WT1: variants seen among roughly 807,000 people sequenced by gnomAD.
WT1 encodes Wilms tumor protein.
In WT1, 8 loss-of-function variants were observed where a neutral mutation model predicts 60.8. That is an observed-to-expected ratio of 0.13 (90% CI 0.08 to 0.24). The LOEUF is 0.24. Among genes scored for constraint, WT1 ranks in the 10% least tolerant of loss-of-function variants. The probability of loss-of-function intolerance (pLI) is 1.00; values close to 1 mark genes in which losing one functional copy is unlikely to be tolerated. For missense variants in WT1, 568 were observed against 711.8 expected (o/e 0.80, Z 2.30); for synonymous variants, 312 against 297.1 (o/e 1.05, Z -0.52).
At chr11:32,404,017 T>C (rs564114291) in intron 5 of WT1, among the ~76,000 whole-genome samples, 3 of 152,052 alleles carry the variant, frequency 2.0e-5, no homozygotes, top group Admixed American at 2.0e-4. Flanking sequence ...CTCACGCCTG[T>C]AATCCCAGCA....
chr11:32,431,264 C>G (rs972472322), intron 1 of WT1, among the ~76,000 whole-genome samples: 2 of 152,092 alleles, frequency 1.3e-5, no homozygotes, highest in Admixed American at 6.5e-5. Context: ...AAAACCTGTC[C>G]CCCAACAAAA....
chr11:32,407,870 GAAAGAAAAAGGAAA>G (rs1852364522), intron 5 of WT1, among the ~76,000 whole-genome samples: 2 of 151,746 alleles, frequency 1.3e-5, no homozygotes, highest in South Asian at 4.2e-4. Context: ...AAAAAAGAAA[GAAAGAAAAAGGAAA>G]AAAGAAAATA....
At chr11:32,432,742 C>A (rs2133094527) in intron 1 of WT1, among the ~76,000 whole-genome samples, 1 of 152,260 alleles carries the variant, frequency 6.6e-6, no homozygotes, top group East Asian at 1.9e-4. Context: ...ACCCACAGTC[C>A]CACCCCCCAC....
rs1554940527 is a variant in WT1 at position 32,400,004 on chromosome 11, T to C, written c.1057A>G (p.Ile353Val). The C allele has an allele frequency of 1.2e-6, 2 of 1,614,176 alleles. No homozygotes were observed. The highest frequency in any genetic ancestry group is 2.2e-5 in the South Asian group (2 of 91,076). ...ATTCTGTATTGGGCTCCGCAGAGGA[T>C]GGGCGTTGTGTGGTTATCGCTCTCG... The change falls in exon 6 of 10, where the codon ATC becomes GTC. Residue 353 changes from isoleucine (I) to valine (V), a missense_variant. Transcript: ENST00000452863.
chr11:32,407,252 C>CA (rs200824500), intron 5 of WT1, among the ~76,000 whole-genome samples: 3 of 150,790 alleles, frequency 2.0e-5, no homozygotes, highest in Non-Finnish European at 3.0e-5. Flanking sequence ...AACAAAAAAA[C>CA]AAAAAAACAA....
At chr11:32,426,909 C>A (rs1165714666) in intron 3 of WT1, among the ~76,000 whole-genome samples, 1 of 152,110 alleles carries the variant, frequency 6.6e-6, no homozygotes, top group Non-Finnish European at 1.5e-5. Flanking sequence ...ACTGGACAGT[C>A]CCCCAGGCGC....
chr11:32,428,847 C>T, intron 1 of WT1: 1 of 632,464 alleles, frequency 1.6e-6, no homozygotes, highest in Non-Finnish European at 2.7e-6. Context: ...GACTAAAACC[C>T]CCACCTCGCT....
At chr11:32,422,208 G>C (rs1852878115) in intron 3 of WT1, among the ~76,000 whole-genome samples, 1 of 152,180 alleles carries the variant, frequency 6.6e-6, no homozygotes, top group Admixed American at 6.5e-5. Flanking sequence ...TTATTTCACA[G>C]TCACTCTCTT....
chr11:32,388,361 G>A lies in WT1; in HGVS notation c.*697C>T, dbSNP rs1179338904. ...CACAAAAAAATCTCAGATCTTCATA[G>A]TTTCTTAAGAGCAGTGTGCCAGTGT... On this transcript the variant is annotated 3_prime_UTR_variant, in exon 10 of 10. Coordinates refer to ENST00000452863, the MANE Select transcript of WT1 (RefSeq NM_024426.6). 1 of 233,486 alleles carries A rather than the reference G, an allele frequency of 4.3e-6. No homozygotes were observed. The highest frequency in any genetic ancestry group is 2.2e-5 in the African/African-American group (1 of 45,350). The allele number at this position is 233,486 out of a possible 1,614,324, so 14.5% of individuals were successfully genotyped here.
Position 32,428,044 on chromosome 11 carries a change from A to G in WT1, c.799T>C (p.Ser267Pro). 1 of 1,607,444 alleles carries G rather than the reference A, an allele frequency of 6.2e-7. No individual in the cohort carries two copies. The highest frequency in any genetic ancestry group is 1.7e-5 in the Admixed American group (1 of 59,640). Residue 267 changes from serine to proline, a missense_variant, in exon 3 of 10, where the codon TCG becomes CCG. Around this residue, in one of 3 missense-constraint regions of WT1, gnomAD observed 523 missense variants for 565.1 expected, o/e 0.93. Coordinates refer to ENST00000452863, the MANE Select transcript of WT1 (RefSeq NM_024426.6). Reference sequence around the variant, plus strand: ...CAGCCATAGACCGGGGGCGGCACCGAGTACTGCTGCTCACCTGCAGAGAGA... The same window carrying G: ...CAGCCATAGACCGGGGGCGGCACCGGGTACTGCTGCTCACCTGCAGAGAGA...
At chr11:32,434,604 C>G in intron 1 of WT1, 96 bp downstream of exon 1, 1 of 1,587,760 alleles carries the variant, frequency 6.3e-7, no homozygotes, top group Non-Finnish European at 8.6e-7. Context: ...TGGGTAAGAG[C>G]TGCGGTCAAA....
At chr11:32,425,180 GAAAAAAAAAAAA>G (rs10540778) in intron 3 of WT1, among the ~76,000 whole-genome samples, 1 of 119,282 alleles carries the variant, frequency 8.4e-6, no homozygotes, top group African/African-American at 3.0e-5. Flanking sequence ...GTCTCGAAAA[GAAAAAAAAAAAA>G]AAAAAAAGAC....
chr11:32,408,330 T>C (rs1467853361), intron 5 of WT1, among the ~76,000 whole-genome samples: 2 of 151,000 alleles, frequency 1.3e-5, no homozygotes, highest in African/African-American at 2.4e-5. Context: ...CTGGCTAACA[T>C]GGTGAAACCC....
At chr11:32,412,108 G>A (rs1305277364) in intron 5 of WT1, among the ~76,000 whole-genome samples, 2 of 152,226 alleles carry the variant, frequency 1.3e-5, no homozygotes, top group Admixed American at 1.3e-4. Flanking sequence ...ACGAGCCCGC[G>A]AGGGAAGGTG....
intron 1 of WT1, among the ~76,000 whole-genome samples, chr11:32,431,756 C>G (rs1223293520): frequency 6.6e-6 from 1 of 152,032 alleles, no homozygotes; most frequent in Non-Finnish European, 1.5e-5. Flanking sequence ...TGCATCTAGT[C>G]TGGGGCTACT....
At chr11:32,398,518 C>T (rs1852042995) in intron 6 of WT1, among the ~76,000 whole-genome samples, 1 of 152,186 alleles carries the variant, frequency 6.6e-6, no homozygotes. Flanking sequence ...TTGGAGACTT[C>T]TCCCTCCCAC....
chr11:32,399,433 A>AATGGT (rs1354657321), intron 6 of WT1, among the ~76,000 whole-genome samples: 6 of 152,188 alleles, frequency 3.9e-5, no homozygotes, highest in South Asian at 2.1e-4. Flanking sequence ...ATCAATACAA[A>AATGGT]ATGGTACTAA....
At chr11:32,419,394 A>G (rs1852782517) in intron 3 of WT1, among the ~76,000 whole-genome samples, 2 of 152,178 alleles carry the variant, frequency 1.3e-5, no homozygotes, top group Admixed American at 1.3e-4. Flanking sequence ...AGGCAGCTCT[A>G]TATTTTTGTC....
chr11:32,391,873 A>T, intron 9 of WT1, 99 bp downstream of exon 9: 1 of 1,256,668 alleles, frequency 8.0e-7, no homozygotes, highest in Non-Finnish European at 1.2e-6. Context: ...AAACCTTAGA[A>T]CTTTTACACT....
Sources: gnomAD v4.1 joint callset for allele counts (sites outside exome capture counted in the v4.1 genomes callset) on GRCh38, gnomAD v4.1.1 for gene constraint, gnomAD v4.1.1 regional missense constraint, MANE v1.5 for transcripts, NCBI Gene and HGNC (gene_info 2026-07-23, HGNC 2026-07-21) for gene names.